The following ACVR1B variants were observed in gnomAD, a reference collection of about 807,000 sequenced individuals.
ACVR1B encodes the protein activin A receptor type 1B.
In ACVR1B, 15 loss-of-function variants were observed where a neutral mutation model predicts 55.6. The ratio of observed to expected loss-of-function variants is 0.27; its 90% confidence interval spans 0.18 to 0.42. ACVR1B has a LOEUF of 0.42. Ranked by LOEUF, ACVR1B falls within the 10% of genes least tolerant of loss-of-function variation. ACVR1B has a pLI of 1.00. For synonymous variants in ACVR1B, 247 were observed against 254.6 expected, an observed-to-expected ratio of 0.97 and a Z score of 0.28; for missense variants, 359 against 670.1, an observed-to-expected ratio of 0.54 and a Z score of 5.13.
intron 4 of ACVR1B, among the ~76,000 whole-genome samples, chr12:51,981,951 C>T (rs1431439441): frequency 1.3e-5 from 2 of 152,212 alleles, no homozygotes; most frequent in Non-Finnish European, 2.9e-5. Context: ...CGAAGTGTCG[C>T]CTTCGGACTC....
At chr12:51,991,806 T>C (rs2120757653) in intron 7 of ACVR1B, 57 bp from the exon 8 acceptor site, 1 of 1,579,804 alleles carries the variant, frequency 6.3e-7, no homozygotes, top group Non-Finnish European at 8.6e-7. Context: ...GTCACCGGCT[T>C]CTGAGTAATC....
intron 1 of ACVR1B, among the ~76,000 whole-genome samples, chr12:51,956,572 C>G (rs944794487): frequency 1.3e-4 from 20 of 151,984 alleles, no homozygotes; most frequent in African/African-American, 2.4e-5. Flanking sequence ...TCTCTATCAG[C>G]TTCATTGTTT....
chr12:51,990,234 A>G (rs1248319020), intron 7 of ACVR1B, among the ~76,000 whole-genome samples: 2 of 150,788 alleles, frequency 1.3e-5, no homozygotes, highest in African/African-American at 2.4e-5. Context: ...TGGAAGTTGC[A>G]TTAAGCTGAG....
intron 1 of ACVR1B, among the ~76,000 whole-genome samples, chr12:51,965,072 C>G (rs1941614172): frequency 6.6e-6 from 1 of 152,066 alleles, no homozygotes; most frequent in South Asian, 2.1e-4. Context: ...CATATATGAT[C>G]ATATGTTTAC....
chr12:51,968,127 T>G (rs1182689101), intron 1 of ACVR1B, among the ~76,000 whole-genome samples: 1 of 152,152 alleles, frequency 6.6e-6, no homozygotes, highest in South Asian at 2.1e-4. Context: ...TCCCAGCAAC[T>G]TGGGAGGCTG....
At chr12:51,981,863 A>G (rs1361927200) in intron 4 of ACVR1B, among the ~76,000 whole-genome samples, 1 of 150,474 alleles carries the variant, frequency 6.6e-6, no homozygotes, top group Admixed American at 6.6e-5. Context: ...AAAAAAAAAG[A>G]AAAAAAAAAT....
chr12:51,981,559 C>T (rs964595045), intron 4 of ACVR1B, among the ~76,000 whole-genome samples: 6 of 152,150 alleles, frequency 3.9e-5, no homozygotes, highest in African/African-American at 4.8e-5. Context: ...GGGCTGGGCG[C>T]GGTGGCTCAC....
chr12:51,992,208 G>T lies in ACVR1B; in HGVS notation c.1392+215G>T, dbSNP rs1942205445. 2.0e-5 allele frequency: 12 copies of T among 615,346 alleles called. 1 individual carries two copies. In the South Asian group the frequency reaches 2.6e-4, roughly 13 times the overall value. 38.1% of individuals were successfully genotyped at this position (615,346 alleles called of 1,614,324 possible). A position where few individuals can be genotyped will look rare whatever the true frequency, so the allele number is the denominator to read the frequency against. ...GCCATTTGGAGTTCACAGCCTAGAA[G>T]AAGAAAAGGCTTTGGGCCTGGTGTG... On this transcript the variant is annotated intron_variant, in intron 8 of 8. Transcript: ENST00000257963.
At chr12:51,974,163 C>G (rs1941799600) in intron 1 of ACVR1B, among the ~76,000 whole-genome samples, 1 of 152,056 alleles carries the variant, frequency 6.6e-6, no homozygotes, top group Non-Finnish European at 1.5e-5. Flanking sequence ...GGGCCCCCAC[C>G]ACCTCCACCC....
rs200366489 is a variant in ACVR1B, at chr12:51,976,471, G to T, written c.476G>T (p.Arg159Leu). ...TATCATCAGCGTGTCTATCACAACC[G>T]CCAGAGACTGGACATGGAAGATCCC... Reference protein sequence around the residue: ...INYHQRVYHNRQRLDMEDPSC... With the variant: ...INYHQRVYHNLQRLDMEDPSC... Residue 159 changes from arginine to leucine, a missense_variant, in exon 3 of 9, where the codon CGC (arginine) becomes CTC (leucine). Arg to Leu is a moderately radical substitution (Grantham distance 102). Coordinates refer to ENST00000257963, the MANE Select transcript of ACVR1B (RefSeq NM_004302.5). 6.2e-7 allele frequency: 1 copy of T among 1,614,096 alleles called. No homozygotes were observed. The highest frequency in any genetic ancestry group is 8.5e-7 in the Non-Finnish European group (1 of 1,180,018).
Position 51,992,243 on chromosome 12 carries a change from G to A in ACVR1B, c.1392+250G>A. 7.5e-6 allele frequency: 4 copies of A among 533,136 alleles called. No homozygotes were observed. In the South Asian group the frequency reaches 1.1e-4, roughly 15 times the overall value. The allele number at this position is 533,136 out of a possible 1,614,324, so 33.0% of individuals were successfully genotyped here. A position where few individuals can be genotyped will look rare whatever the true frequency, so the allele number is the denominator to read the frequency against. Reference sequence around the variant, plus strand: ...CTTTGGGCCTGGTGTGGTGGCATAGGCCTGTAATCGTAGCGCTTTGAGAGG... The same window carrying A: ...CTTTGGGCCTGGTGTGGTGGCATAGACCTGTAATCGTAGCGCTTTGAGAGG... On this transcript the variant is annotated intron_variant, in intron 8 of 8. Coordinates refer to ENST00000257963, the MANE Select transcript of ACVR1B (RefSeq NM_004302.5).
At chr12:51,951,903 G>C in intron 1 of ACVR1B, 69 bp downstream of exon 1, 1 of 1,026,352 alleles carries the variant, frequency 9.7e-7, no homozygotes. Context: ...CTCGAGCCGC[G>C]GCCGCTGGAC....
At chr12:51,974,762 C>T (rs116116948) in intron 1 of ACVR1B, among the ~76,000 whole-genome samples, 2,750 of 152,180 alleles carry the variant, frequency 0.018, 28 homozygotes, top group Non-Finnish European at 0.022. Context: ...GAAAGCTTTT[C>T]AAAAGAAGTG....
chr12:51,968,190 A>C (rs1004204532), intron 1 of ACVR1B, among the ~76,000 whole-genome samples: 2 of 152,216 alleles, frequency 1.3e-5, no homozygotes, highest in Admixed American at 1.3e-4. Flanking sequence ...CTGAGATTGC[A>C]CCATGGCATT....
chr12:51,975,525 G>T, intron 2 of ACVR1B, 21 bp downstream of exon 2: 1 of 1,598,124 alleles, frequency 6.3e-7, no homozygotes, highest in Non-Finnish European at 8.6e-7. Flanking sequence ...GCCCTTGTTG[G>T]GCTAGTGGCT....
At chr12:51,958,806 A>G (rs1374548829) in intron 1 of ACVR1B, among the ~76,000 whole-genome samples, 2 of 152,226 alleles carry the variant, frequency 1.3e-5, no homozygotes, top group African/African-American at 2.4e-5. Context: ...GGCAGAGCTC[A>G]GGTACCCGCC....
intron 1 of ACVR1B, among the ~76,000 whole-genome samples, chr12:51,962,627 C>CT (rs1941556890): frequency 6.6e-6 from 1 of 151,870 alleles, no homozygotes; most frequent in Admixed American, 6.6e-5. Flanking sequence ...GCCTTCCTGC[C>CT]CCCCAAGAAA....
At chr12:51,953,522 T>A in intron 1 of ACVR1B, 4 of 983,558 alleles carry the variant, frequency 4.1e-6, no homozygotes, top group Non-Finnish European at 4.8e-6. Context: ...TTTGCATGAA[T>A]AAGGATGTTC....
At position 51,995,689 on chromosome 12, in the gene ACVR1B, T is replaced by TA. The variant is rs58658295; in HGVS notation, c.*1590dup. ...ATCTATTTGTTTTTAAAGAAATCCC[T>TA]AAAAAAAAAAATTATCCAATTGAAC... is the stretch of plus-strand genomic sequence containing the variant. On this transcript the variant is annotated 3_prime_UTR_variant, in exon 9 of 9. Coordinates refer to ENST00000257963, the MANE Select transcript of ACVR1B (RefSeq NM_004302.5). 49,069 of 149,320 alleles carry TA rather than the reference T, an allele frequency of 0.33. 8,595 individuals carry two copies. The highest frequency in any genetic ancestry group is 0.5 in the Admixed American group (7,498 of 14,998). The allele number at this position is 149,320 out of a possible 1,614,324, so 9.2% of individuals were successfully genotyped here. A position where few individuals can be genotyped will look rare whatever the true frequency, so the allele number is the denominator to read the frequency against.
Sources: gnomAD v4.1 joint callset for allele counts (sites outside exome capture counted in the v4.1 genomes callset) on GRCh38, gnomAD v4.1.1 for gene constraint, MANE v1.5 for transcripts, NCBI Gene and HGNC (gene_info 2026-07-23, HGNC 2026-07-21) for gene names.